Variants in SLC9D1 observed in about 807,000 individuals in gnomAD.
The protein encoded by SLC9D1 is putative LAG1-interacting protein.
At chr13:113,509,290 C>A in the SLC9D1 span, among the ~76,000 whole-genome samples, 3 of 126,996 alleles carry the variant, frequency 2.4e-5, no homozygotes, top group African/African-American at 3.5e-5. Flanking sequence ...GTGGGTGGGT[C>A]CCCCCTGGAG....
the SLC9D1 span, among the ~76,000 whole-genome samples, chr13:113,537,496 A>G: frequency 6.6e-6 from 1 of 152,162 alleles, no homozygotes; most frequent in Non-Finnish European, 1.5e-5. Context: ...TGGCTGAAAA[A>G]CATTCCATTC....
At chr13:113,543,641 A>C in the SLC9D1 span, among the ~76,000 whole-genome samples, 3 of 148,044 alleles carry the variant, frequency 2.0e-5, no homozygotes, top group Admixed American at 6.8e-5. Context: ...AAAATGGATC[A>C]GGCCTGACCT....
chr13:113,500,274 G>A, the SLC9D1 span: 85 of 495,442 alleles, frequency 1.7e-4, no homozygotes, highest in South Asian at 6.7e-4. Flanking sequence ...CTAGAATTCC[G>A]TACATTATCT....
At chr13:113,543,280 A>ACCTCCTCCCCCTGACCCCCTGCCCTCC in the SLC9D1 span, among the ~76,000 whole-genome samples, 1 of 1,036 alleles carries the variant, frequency 9.7e-4, no homozygotes, top group African/African-American at 0.01. Context: ...CCCTGCCCCC[A>ACCTCCTCCCCCTGACCCCCTGCCCTCC]CTCTGTCCGT....
At chr13:113,515,890 C>CAAAA in the SLC9D1 span, among the ~76,000 whole-genome samples, 95 of 78,958 alleles carry the variant, frequency 1.2e-3, no homozygotes, top group Admixed American at 1.3e-3. Context: ...GACTCCGTCC[C>CAAAA]AAAAAAAAAA....
At chr13:113,540,057 G>T in the SLC9D1 span, among the ~76,000 whole-genome samples, 1 of 152,172 alleles carries the variant, frequency 6.6e-6, no homozygotes, top group African/African-American at 2.4e-5. Context: ...ATTTCATTCT[G>T]TTACGGTTGC....
At chr13:113,522,010 T>TAGA in the SLC9D1 span, among the ~76,000 whole-genome samples, 1 of 152,232 alleles carries the variant, frequency 6.6e-6, no homozygotes, top group Non-Finnish European at 1.5e-5. Context: ...ATTGAGGTTC[T>TAGA]AGGACCTGTC....
At chr13:113,506,940 G>A in the SLC9D1 span, among the ~76,000 whole-genome samples, 1 of 107,470 alleles carries the variant, frequency 9.3e-6, no homozygotes, top group Non-Finnish European at 2.1e-5. Context: ...GTGTAGACTC[G>A]GGGGCTTGGC....
the SLC9D1 span, among the ~76,000 whole-genome samples, chr13:113,506,534 G>T: frequency 6.6e-6 from 1 of 150,420 alleles, no homozygotes; most frequent in Non-Finnish European, 1.5e-5. Flanking sequence ...CCATTCCATG[G>T]TGCAGCATGG....
chr13:113,506,170 TGTGG>T, the SLC9D1 span: 1 of 125,462 alleles, frequency 8.0e-6, no homozygotes, highest in Non-Finnish European at 1.4e-5. Flanking sequence ...CTGCCTGGCC[TGTGG>T]AGGAAGGAGC....
At chr13:113,547,331 C>G in the SLC9D1 span, 2 of 1,614,060 alleles carry the variant, frequency 1.2e-6, no homozygotes, top group Non-Finnish European at 8.5e-7. Context: ...TTGTGGCGTA[C>G]GAGCTCACGG....
chr13:113,528,111 T>G, the SLC9D1 span: 1 of 152,372 alleles, frequency 6.6e-6, no homozygotes, highest in South Asian at 2.1e-4. Flanking sequence ...AACACCCTCA[T>G]CAGATAACTC....
chr13:113,503,470 T>C, the SLC9D1 span: 12 of 1,554,216 alleles, frequency 7.7e-6, no homozygotes, highest in African/African-American at 1.2e-4. Context: ...TGTACAATTA[T>C]ATGGTTTTTC....
the SLC9D1 span, chr13:113,501,616 C>T: frequency 1.4e-5 from 9 of 645,928 alleles, no homozygotes; most frequent in Middle Eastern, 3.0e-4. Flanking sequence ...TGAGGAAAAT[C>T]GGTGGTTTTG....
the SLC9D1 span, among the ~76,000 whole-genome samples, chr13:113,520,896 G>A: frequency 6.6e-6 from 1 of 152,202 alleles, no homozygotes; most frequent in Non-Finnish European, 1.5e-5. Context: ...CTGGCTCTGT[G>A]CTTAGCAGCT....
At chr13:113,518,096 A>G in the SLC9D1 span, among the ~76,000 whole-genome samples, 1 of 152,278 alleles carries the variant, frequency 6.6e-6, no homozygotes, top group East Asian at 1.9e-4. Context: ...TATAGTAGTG[A>G]TAAGCACAAA....
At chr13:113,540,384 A>G in the SLC9D1 span, among the ~76,000 whole-genome samples, 1 of 152,058 alleles carries the variant, frequency 6.6e-6, no homozygotes, top group Non-Finnish European at 1.5e-5. Context: ...TTTCTCCACA[A>G]CCTCGCCAGC....
chr13:113,523,080 G>T, the SLC9D1 span, among the ~76,000 whole-genome samples: 1 of 151,416 alleles, frequency 6.6e-6, no homozygotes, highest in East Asian at 1.9e-4. Flanking sequence ...AGGATTTTGG[G>T]GTCTAACTTC....
chr13:113,539,338 T>G, the SLC9D1 span: 1 of 1,609,152 alleles, frequency 6.2e-7, no homozygotes, highest in Non-Finnish European at 8.5e-7. The surrounding 1 kb of genome is among the most constrained non-coding windows in gnomAD (Gnocchi z 4.8). Flanking sequence ...CATGTAAAGC[T>G]GCGTCCTGCC....
Sources: gnomAD v4.1 joint callset for allele counts (sites outside exome capture counted in the v4.1 genomes callset) on GRCh38, gnomAD v4.1.1 for gene constraint, Gnocchi (gnomAD v3.1) non-coding constraint, MANE v1.5 for transcripts, NCBI Gene and HGNC (gene_info 2026-07-23, HGNC 2026-07-21) for gene names.